The following XYLB variants were observed in gnomAD, a reference collection of about 807,000 sequenced individuals.
The protein encoded by XYLB is xylulokinase.
In XYLB, 62 loss-of-function variants were observed where a neutral mutation model predicts 78.7. The ratio of observed to expected loss-of-function variants is 0.79; its 90% CI spans 0.64 to 0.97. XYLB has a LOEUF of 0.97. XYLB is among the 50% of genes least tolerant of loss of function. XYLB has a pLI of 0.00. For synonymous variants in XYLB, 245 were observed against 247.4 expected (o/e 0.99, Z 0.09); for missense variants, 687 against 676.8 (o/e 1.02, Z -0.17).
intron 18 of XYLB, among the ~76,000 whole-genome samples, chr3:38,411,963 T>C (rs1054836226): frequency 9.9e-5 from 15 of 151,638 alleles, no homozygotes; most frequent in Non-Finnish European, 2.1e-4. Flanking sequence ...TTCTTTTGTC[T>C]GTATGATGTG....
chr3:38,365,264 C>T lies in XYLB; in HGVS notation c.357C>T (p.Leu119=), dbSNP rs1224628616. The T allele has an allele frequency of 6.2e-7, 1 of 1,614,198 alleles. No homozygotes were observed. The highest frequency in any genetic ancestry group is 1.1e-5 in the South Asian group (1 of 91,078). ...CACTGACAAGCTTATCACCAGACCT[C>T]CGGCTACACCAGCAGCTGCAGGTAA... is the stretch of plus-strand genomic sequence containing the variant. ...QQALTSLSPD[L]RLHQQLQDCF... The change falls in exon 5 of 19, where the codon CTC becomes CTT. Residue 119 remains leucine (L), a synonymous_variant. Coordinates refer to ENST00000207870, the MANE Select transcript of XYLB (RefSeq NM_005108.4).
chr3:38,371,896 C>T (rs187560602), intron 9 of XYLB, among the ~76,000 whole-genome samples: 74 of 152,302 alleles, frequency 4.9e-4, no homozygotes, highest in African/African-American at 1.6e-3. Context: ...AAAGGGCAGA[C>T]AGAAAACAGC....
intron 17 of XYLB, 110 bp from the exon 18 acceptor site, chr3:38,400,781 A>G (rs892754446): frequency 7.5e-6 from 6 of 801,454 alleles, no homozygotes; most frequent in East Asian, 7.4e-5. Context: ...AACCATCACT[A>G]TAATCCAGTT....
chr3:38,431,245 A>G, the XYLB span, among the ~76,000 whole-genome samples: 16 of 152,216 alleles, frequency 1.1e-4, no homozygotes, highest in Non-Finnish European at 2.1e-4. Flanking sequence ...AGTGGTTTGT[A>G]GTTCTCCTTG....
chr3:38,402,869 AT>A (rs1344483683), intron 18 of XYLB, among the ~76,000 whole-genome samples: 1 of 152,260 alleles, frequency 6.6e-6, no homozygotes, highest in Non-Finnish European at 1.5e-5. Context: ...CACATATGTC[AT>A]TTAAAATATT....
chr3:38,373,695 C>T (rs1279797345), intron 10 of XYLB, among the ~76,000 whole-genome samples: 2 of 152,246 alleles, frequency 1.3e-5, no homozygotes, highest in Non-Finnish European at 2.9e-5. Context: ...GCTTCTGACA[C>T]ACACACTGCT....
At chr3:38,400,319 A>G (rs1303169677) in intron 17 of XYLB, among the ~76,000 whole-genome samples, 3 of 152,188 alleles carry the variant, frequency 2.0e-5, no homozygotes, top group Non-Finnish European at 2.9e-5. Flanking sequence ...TCACTGAAAT[A>G]TATGGGCACA....
intron 16 of XYLB, among the ~76,000 whole-genome samples, chr3:38,396,764 C>T (rs1437534128): frequency 6.6e-6 from 1 of 152,160 alleles, no homozygotes; most frequent in Non-Finnish European, 1.5e-5. Context: ...CAGCTGTCTC[C>T]AGCCCTAGGT....
the XYLB span, among the ~76,000 whole-genome samples, chr3:38,430,615 A>T: frequency 6.6e-6 from 1 of 152,164 alleles, no homozygotes; most frequent in Non-Finnish European, 1.5e-5. Flanking sequence ...TGTTTTAGTC[A>T]TGAAGTCCTT....
chr3:38,352,372 T>G (rs1705413437), intron 2 of XYLB, among the ~76,000 whole-genome samples: 2 of 152,162 alleles, frequency 1.3e-5, no homozygotes, highest in Admixed American at 6.5e-5. Flanking sequence ...ACACAGAAGT[T>G]TTTATGTATT....
the XYLB span, among the ~76,000 whole-genome samples, chr3:38,436,819 C>T: frequency 6.6e-6 from 1 of 151,872 alleles, no homozygotes; most frequent in Admixed American, 6.6e-5. Context: ...GCCTGGTCAA[C>T]ATGGTGAAAA....
chr3:38,377,560 G>A (rs1384374267), intron 14 of XYLB, among the ~76,000 whole-genome samples: 1 of 151,456 alleles, frequency 6.6e-6, no homozygotes, highest in Admixed American at 6.6e-5. Flanking sequence ...CGATCCTCCT[G>A]CCTCAGCCTC....
intron 18 of XYLB, among the ~76,000 whole-genome samples, chr3:38,412,193 G>C (rs960527707): frequency 6.6e-6 from 1 of 152,040 alleles, no homozygotes; most frequent in African/African-American, 2.4e-5. Context: ...GTTTCACCAG[G>C]TTGGTCAGGC....
chr3:38,412,675 T>C (rs1708642840), intron 18 of XYLB, among the ~76,000 whole-genome samples: 1 of 152,192 alleles, frequency 6.6e-6, no homozygotes, highest in Non-Finnish European at 1.5e-5. Flanking sequence ...TTCTAGGTAC[T>C]CTCACCAGAA....
the XYLB span, among the ~76,000 whole-genome samples, chr3:38,450,802 A>T: frequency 0.041 from 6,258 of 152,306 alleles, 454 homozygotes; most frequent in African/African-American, 0.14. Flanking sequence ...TCAGAGGACC[A>T]GTTAAGCTCC....
At chr3:38,406,749 G>T (rs1180808302) in intron 18 of XYLB, among the ~76,000 whole-genome samples, 4 of 152,194 alleles carry the variant, frequency 2.6e-5, no homozygotes, top group Non-Finnish European at 5.9e-5. Flanking sequence ...GAAGCCTCAG[G>T]AGCCGATGCG....
At chr3:38,422,326 T>C (rs2125695454), downstream of XYLB, among the ~76,000 whole-genome samples, 1 of 152,296 alleles carries the variant, frequency 6.6e-6, no homozygotes, top group South Asian at 2.1e-4. Context: ...AACTCCTGAT[T>C]GTGCCATATG....
At chr3:38,397,470 G>A (rs551985690) in intron 17 of XYLB, among the ~76,000 whole-genome samples, 1 of 152,318 alleles carries the variant, frequency 6.6e-6, no homozygotes, top group East Asian at 1.9e-4. Flanking sequence ...CATGAGTCTG[G>A]ACAGCTAGAG....
At chr3:38,451,592 G>A in the XYLB span, 1 of 152,446 alleles carries the variant, frequency 6.6e-6, no homozygotes, top group African/African-American at 2.4e-5. Context: ...CTGCACTCCA[G>A]TGAGGGCAAT....
Sources: gnomAD v4.1 joint callset for allele counts (sites outside exome capture counted in the v4.1 genomes callset) on GRCh38, gnomAD v4.1.1 for gene constraint, MANE v1.5 for transcripts, NCBI Gene and HGNC (gene_info 2026-07-23, HGNC 2026-07-21) for gene names.